CDKAL1: variants seen among roughly 807,000 people sequenced by gnomAD.
The protein encoded by CDKAL1 is threonylcarbamoyladenosine tRNA methylthiotransferase.
A neutral mutation model predicts 68.2 loss-of-function variants in CDKAL1; 32 were observed. The ratio of observed to expected loss-of-function variants is 0.47; its 90% CI spans 0.35 to 0.63. The LOEUF (loss-of-function observed/expected upper bound fraction) is 0.63, where lower values mean the gene tolerates loss of function less well. CDKAL1 is among the 30% of genes least tolerant of loss of function. The pLI is 0.00. For synonymous variants in CDKAL1, 234 were observed against 244.3 expected, an observed-to-expected ratio of 0.96 and a Z score of 0.39; for missense variants, 606 against 696.7, an observed-to-expected ratio of 0.87 and a Z score of 1.47.
At chr6:20,630,118 C>T (rs2127740907) in intron 4 of CDKAL1, among the ~76,000 whole-genome samples, 1 of 152,296 alleles carries the variant, frequency 6.6e-6, no homozygotes, top group South Asian at 2.1e-4. Context: ...ATCTGCCTGC[C>T]TCGGCCTCCC....
intron 11 of CDKAL1, among the ~76,000 whole-genome samples, chr6:21,056,080 G>T (rs1416831694): frequency 6.6e-6 from 1 of 152,096 alleles, no homozygotes; most frequent in Non-Finnish European, 1.5e-5. Flanking sequence ...GGTGTGAGAT[G>T]GTATGTCATT....
chr6:20,888,398 T>C (rs1339314855), intron 9 of CDKAL1, among the ~76,000 whole-genome samples: 2 of 147,822 alleles, frequency 1.4e-5, no homozygotes, highest in East Asian at 2.0e-4. Context: ...ACTTTAAGTT[T>C]TAGGGTACAT....
At chr6:20,609,237 T>TTCCTTCCTTCTTCTTCC (rs1554162578) in intron 4 of CDKAL1, among the ~76,000 whole-genome samples, 15 of 116,604 alleles carry the variant, frequency 1.3e-4, no homozygotes, top group Non-Finnish European at 2.7e-4. Flanking sequence ...TTCTTCCTTC[T>TTCCTTCCTTCTTCTTCC]TCCTTCCTTC....
At chr6:20,673,367 C>T (rs888996610) in intron 5 of CDKAL1, among the ~76,000 whole-genome samples, 2 of 152,186 alleles carry the variant, frequency 1.3e-5, no homozygotes, top group African/African-American at 2.4e-5. Flanking sequence ...CTCCTGTATA[C>T]TTTAAATCAT....
At chr6:21,020,339 T>C (rs1206142543) in intron 11 of CDKAL1, among the ~76,000 whole-genome samples, 1 of 152,218 alleles carries the variant, frequency 6.6e-6, no homozygotes, top group Non-Finnish European at 1.5e-5. Context: ...GACAGAAATA[T>C]ATGTTGGTTA....
chr6:20,786,369 T>C (rs960335690), intron 8 of CDKAL1, among the ~76,000 whole-genome samples: 4 of 152,164 alleles, frequency 2.6e-5, no homozygotes, highest in Admixed American at 1.3e-4. Flanking sequence ...TTTTAAAAAG[T>C]CAACCAAATG....
At chr6:20,778,244 CA>C (rs1309941381) in intron 7 of CDKAL1, among the ~76,000 whole-genome samples, 1 of 151,908 alleles carries the variant, frequency 6.6e-6, no homozygotes, top group Non-Finnish European at 1.5e-5. Flanking sequence ...GATGTGACAC[CA>C]AAAGCATGAG....
chr6:20,871,495 T>C (rs1489709627), intron 9 of CDKAL1, among the ~76,000 whole-genome samples: 1 of 152,214 alleles, frequency 6.6e-6, no homozygotes, highest in East Asian at 1.9e-4. Flanking sequence ...TTTTATTTTT[T>C]GCACCCAAGT....
At chr6:21,076,270 G>T (rs1333128190) in intron 12 of CDKAL1, among the ~76,000 whole-genome samples, 1 of 152,110 alleles carries the variant, frequency 6.6e-6, no homozygotes, top group Non-Finnish European at 1.5e-5. Context: ...ATTGAATAAA[G>T]AATATTCTTA....
chr6:20,650,141 C>T (rs1163434069), intron 5 of CDKAL1, among the ~76,000 whole-genome samples: 2 of 152,188 alleles, frequency 1.3e-5, no homozygotes, highest in African/African-American at 2.4e-5. Context: ...AATCGCCACA[C>T]TGTCTTCCAC....
At chr6:20,639,546 T>C (rs1271097492) in intron 4 of CDKAL1, among the ~76,000 whole-genome samples, 8 of 152,250 alleles carry the variant, frequency 5.3e-5, no homozygotes, top group Non-Finnish European at 1.5e-5. Context: ...ATCACTTTTA[T>C]TCTTTTTAGA....
chr6:20,653,120 TA>T (rs932066563), intron 5 of CDKAL1, among the ~76,000 whole-genome samples: 1 of 152,224 alleles, frequency 6.6e-6, no homozygotes, highest in African/African-American at 2.4e-5. Flanking sequence ...ATTTTATTAT[TA>T]ATAGAGTTTT....
chr6:20,802,309 C>CAATAATAATAATAATAATAAT (rs202052759), intron 8 of CDKAL1, among the ~76,000 whole-genome samples: 9 of 142,388 alleles, frequency 6.3e-5, no homozygotes, highest in Middle Eastern at 3.7e-3. Flanking sequence ...AAAACAACAA[C>CAATAATAATAATAATAATAAT]AACAACAATA....
At chr6:20,634,514 T>C (rs561847132) in intron 4 of CDKAL1, among the ~76,000 whole-genome samples, 64 of 152,266 alleles carry the variant, frequency 4.2e-4, no homozygotes, top group African/African-American at 1.3e-3. Context: ...ATGGAAACCA[T>C]AGGGAGAAAG....
intron 15 of CDKAL1, among the ~76,000 whole-genome samples, chr6:21,215,944 T>C (rs1449285798): frequency 6.6e-6 from 1 of 152,126 alleles, no homozygotes; most frequent in East Asian, 1.9e-4. Flanking sequence ...TACTTGATTA[T>C]CCAGATGGGC....
intron 8 of CDKAL1, among the ~76,000 whole-genome samples, chr6:20,817,383 CTG>C (rs1462076566): frequency 6.6e-6 from 1 of 152,126 alleles, no homozygotes; most frequent in Non-Finnish European, 1.5e-5. Flanking sequence ...TATTAATACA[CTG>C]TCTCTTCGTA....
Position 20,586,983 on chromosome 6 carries a change from T to TG in CDKAL1, c.286+38278_286+38279insG, listed in dbSNP as rs1372166252. 8.8e-5 allele frequency among the ~76,000 whole-genome samples: 12 copies of TG among 136,014 alleles called. No individual in the cohort carries two copies. The South Asian group carries it at 9.8e-4, about 11-fold the overall frequency. The allele number at this position is 136,014 out of a possible 152,430, so 89.2% of individuals were successfully genotyped here. A position where few individuals can be genotyped will look rare whatever the true frequency, so the allele number is the denominator to read the frequency against. On this transcript the variant is annotated intron_variant, in intron 4 of 15. Coordinates refer to ENST00000274695, the MANE Select transcript of CDKAL1 (RefSeq NM_017774.3). ...GGAATGTTCTTCCTCCAGGTGTTTTTTTTTTTTTTTTTTTTTTTTTGAGAC... is the reference window on the plus strand; with the variant it reads ...GGAATGTTCTTCCTCCAGGTGTTTTTGTTTTTTTTTTTTTTTTTTTTGAGAC...
intron 9 of CDKAL1, among the ~76,000 whole-genome samples, chr6:20,865,153 A>G (rs891524492): frequency 6.6e-6 from 1 of 152,194 alleles, no homozygotes; most frequent in African/African-American, 2.4e-5. Flanking sequence ...GGTTACGCTT[A>G]GAGTCTGAAG....
chr6:21,005,358 T>C (rs2150828734), intron 11 of CDKAL1, among the ~76,000 whole-genome samples: 1 of 152,338 alleles, frequency 6.6e-6, no homozygotes, highest in East Asian at 1.9e-4. Flanking sequence ...TAAAAGAATC[T>C]TTAAGTCCTC....
Sources: allele counts gnomAD v4.1 joint callset (sites outside exome capture counted in the v4.1 genomes callset), GRCh38; gene constraint gnomAD v4.1.1; transcripts MANE v1.5; gene names NCBI Gene and HGNC (gene_info 2026-07-23, HGNC 2026-07-21).